Variants in ANKAR observed in about 807,000 individuals in gnomAD.
ANKAR encodes the protein ankyrin and armadillo repeat-containing protein.
ANKAR carries 136 observed loss-of-function variants against 146.2 expected under a neutral mutation model. That is an observed-to-expected ratio of 0.93 (90% CI 0.81 to 1.07). The LOEUF is 1.07. Among genes scored for constraint, ANKAR ranks in the 50% least tolerant of loss-of-function variants. The probability of loss-of-function intolerance (pLI) is 0.00; values close to 1 mark genes in which losing one functional copy is unlikely to be tolerated. For missense variants in ANKAR, 1,567 were observed against 1,679.9 expected (o/e 0.93, Z 1.18); for synonymous variants, 500 against 575.8 (o/e 0.87, Z 1.88).
chr2:189,742,904 T>TCACA (rs2043524598), intron 20 of ANKAR, among the ~76,000 whole-genome samples: 2 of 10,542 alleles, frequency 1.9e-4, no homozygotes, highest in Admixed American at 1.1e-3. Flanking sequence ...TAGAATTACC[T>TCACA]GACACACACA....
At chr2:189,758,164 C>T (rs1175279910) in intron 18 of ANKAR, among the ~76,000 whole-genome samples, 1 of 152,126 alleles carries the variant, frequency 6.6e-6, no homozygotes, top group African/African-American at 2.4e-5. Context: ...GGGTGGATCA[C>T]TTGAGGTCGG....
At chr2:189,722,022 G>A (rs917669903) in intron 12 of ANKAR, among the ~76,000 whole-genome samples, 2 of 151,930 alleles carry the variant, frequency 1.3e-5, no homozygotes, top group Non-Finnish European at 2.9e-5. Flanking sequence ...TTCTTCCATC[G>A]CTTACTATGC....
intron 9 of ANKAR, 84 bp from the exon 10 acceptor site, chr2:189,710,965 T>C (rs1485604918): frequency 1.1e-5 from 13 of 1,168,236 alleles, no homozygotes; most frequent in Non-Finnish European, 1.6e-5. Context: ...TTGGTTTTAT[T>C]TAGCTGGTAC....
intron 9 of ANKAR, among the ~76,000 whole-genome samples, chr2:189,710,699 G>T (rs977205787): frequency 6.6e-6 from 1 of 152,192 alleles, no homozygotes; most frequent in African/African-American, 2.4e-5. Context: ...CTACTAGGAA[G>T]GCTGAGATGG....
intron 2 of ANKAR, among the ~76,000 whole-genome samples, chr2:189,678,229 G>A (rs1015841765): frequency 1.3e-5 from 2 of 152,066 alleles, no homozygotes; most frequent in South Asian, 2.1e-4. Flanking sequence ...TTGGCCTTTT[G>A]TATATCTTCA....
In ANKAR at chr2:189,676,364, T is replaced by C. The variant is rs2033675149; in HGVS notation, c.-35-92T>C. 6 of 1,118,752 alleles carry C rather than the reference T, an allele frequency of 5.4e-6. No homozygotes were observed. In the South Asian group the frequency reaches 5.4e-5, roughly 10 times the overall value. 69.3% of individuals were successfully genotyped at this position (1,118,752 alleles called of 1,614,324 possible). ...TTGACCATGAAAAATTAATCTTATGTAGGTGAAAGGTACAGATTTATTTCT... is the reference window on the plus strand; with the variant it reads ...TTGACCATGAAAAATTAATCTTATGCAGGTGAAAGGTACAGATTTATTTCT... On this transcript the variant is annotated intron_variant, in intron 1 of 22. Coordinates refer to ENST00000684021, the MANE Select transcript of ANKAR (RefSeq NM_001378068.1).
At chr2:189,692,065 A>AT (rs1417905327) in intron 3 of ANKAR, among the ~76,000 whole-genome samples, 190 bp from the exon 4 acceptor site, 5 of 152,154 alleles carry the variant, frequency 3.3e-5, no homozygotes, top group Admixed American at 6.6e-5. Context: ...CATGCTCAAA[A>AT]ATATATTTTA....
intron 5 of ANKAR, among the ~76,000 whole-genome samples, chr2:189,693,601 G>A (rs1047379270): frequency 1.3e-5 from 2 of 152,140 alleles, no homozygotes; most frequent in African/African-American, 4.8e-5. Context: ...TTGCTTGTTG[G>A]TTCGTTTGTT....
At chr2:189,712,575 A>C (rs993517934) in intron 10 of ANKAR, among the ~76,000 whole-genome samples, 3 of 152,128 alleles carry the variant, frequency 2.0e-5, no homozygotes, top group Non-Finnish European at 4.4e-5. Context: ...AATAGCATCA[A>C]CATCAACAAA....
chr2:189,714,244 G>C (rs1042541294), intron 10 of ANKAR, among the ~76,000 whole-genome samples: 4 of 152,154 alleles, frequency 2.6e-5, no homozygotes, highest in African/African-American at 9.7e-5. Context: ...CCTGAACTCA[G>C]CTCTGGACCA....
rs763808444 is a variant in ANKAR, at chr2:189,743,451, A to C, written c.3987A>C (p.Thr1329=). The change falls in exon 21 of 23, where the codon ACA becomes ACC. Residue 1329 remains threonine, a synonymous_variant. Coordinates refer to ENST00000684021, the MANE Select transcript of ANKAR (RefSeq NM_001378068.1). The part of the protein sequence containing the change: ...AFLKEFQMQQ[T]LVGLPSLSLE... ...TAAAGGAATTTCAAATGCAACAAAC[A>C]CTGGTGGGACTTCCTTCCTTAAGGT... The C allele has an allele frequency of 1.2e-6, 2 of 1,613,670 alleles. No individual in the cohort carries two copies. Among genetic ancestry groups the C allele is most frequent in the South Asian group, 2.2e-5 (2 of 91,040 alleles).
In ANKAR at chr2:189,692,524, A is replaced by T. The variant is rs1028307527; in HGVS notation, c.1203+106A>T. 67 of 954,238 alleles carry T rather than the reference A, an allele frequency of 7.0e-5. No individual in the cohort carries two copies. In the Middle Eastern group the frequency reaches 1.6e-3, roughly 23 times the overall value. The allele number at this position is 954,238 out of a possible 1,614,324, so 59.1% of individuals were successfully genotyped here. A position where few individuals can be genotyped will look rare whatever the true frequency, so the allele number is the denominator to read the frequency against. ...GTACAGGCACTCGACAGCTCTCCAA[A>T]TGATTATTCTCACAACTCAATAATT... On this transcript the variant is annotated intron_variant, in intron 4 of 22. Coordinates refer to ENST00000684021, the MANE Select transcript of ANKAR (RefSeq NM_001378068.1).
At chr2:189,711,910 T>C (rs11885423) in intron 10 of ANKAR, among the ~76,000 whole-genome samples, 35,972 of 152,204 alleles carry the variant, frequency 0.24, 4,575 homozygotes, top group African/African-American at 0.32. Context: ...GCTTTTCCAA[T>C]GATCTTAGCA....
chr2:189,746,450 A>G lies in ANKAR; in HGVS notation c.4128A>G (p.Val1376=), dbSNP rs766388994. 23 of 1,613,176 alleles carry G rather than the reference A, an allele frequency of 1.4e-5. No individual in the cohort carries two copies. The highest frequency in any genetic ancestry group is 1.9e-5 in the Non-Finnish European group (22 of 1,179,732). Residue 1376 remains valine (V), a synonymous_variant, in exon 23 of 23, where the codon GTA becomes GTG. Coordinates refer to ENST00000684021, the MANE Select transcript of ANKAR (RefSeq NM_001378068.1). ...ATTCTTTGACTTTATTACCTCCTGT[A>G]ACTAACTTCATGGGACTCTTCAAAG... ...PKDSLTLLPP[V]TNFMGLFKAT...
chr2:189,706,629 TCC>T (rs1354799133), intron 8 of ANKAR, among the ~76,000 whole-genome samples: 7 of 152,208 alleles, frequency 4.6e-5, no homozygotes, highest in Admixed American at 2.6e-4. Flanking sequence ...CCTTGCTTTT[TCC>T]TTCACTTACG....
chr2:189,699,326 T>C (rs993082195), intron 7 of ANKAR, among the ~76,000 whole-genome samples: 1 of 152,234 alleles, frequency 6.6e-6, no homozygotes, highest in African/African-American at 2.4e-5. Context: ...AGCCAGCTTA[T>C]CAGCTTCCTT....
chr2:189,723,712 A>G (rs999809668), intron 12 of ANKAR, among the ~76,000 whole-genome samples: 5 of 152,190 alleles, frequency 3.3e-5, no homozygotes, highest in African/African-American at 1.2e-4. Context: ...CCAACTCTTA[A>G]AAGTTGGAGT....
intron 7 of ANKAR, among the ~76,000 whole-genome samples, chr2:189,698,113 A>G (rs1391463753): frequency 1.3e-5 from 2 of 152,210 alleles, no homozygotes; most frequent in Admixed American, 1.3e-4. Context: ...AAAAGGAAAG[A>G]AATGGTAAGA....
At chr2:189,704,042 A>T (rs1270225240) in intron 7 of ANKAR, among the ~76,000 whole-genome samples, 1 of 152,170 alleles carries the variant, frequency 6.6e-6, no homozygotes, top group African/African-American at 2.4e-5. Flanking sequence ...TAAAGGTATG[A>T]ATTGCTATTA....
Sources: gnomAD v4.1 joint callset for allele counts (sites outside exome capture counted in the v4.1 genomes callset) on GRCh38, gnomAD v4.1.1 for gene constraint, MANE v1.5 for transcripts, NCBI Gene and HGNC (gene_info 2026-07-23, HGNC 2026-07-21) for gene names.